PRKD2: variants seen among roughly 807,000 people sequenced by gnomAD.
PRKD2 encodes serine/threonine-protein kinase D2.
PRKD2 carries 22 observed loss-of-function variants against 86.0 expected under a neutral mutation model. The ratio of observed to expected loss-of-function variants is 0.26; its 90% CI spans 0.18 to 0.37. The LOEUF is 0.37. PRKD2 is among the 10% of genes least tolerant of loss of function. PRKD2 has a pLI of 1.00. For missense variants in PRKD2, 818 were observed against 1,199.2 expected, an observed-to-expected ratio of 0.68 and a Z score of 4.70; for synonymous variants, 509 against 510.9, an observed-to-expected ratio of 1.00 and a Z score of 0.05.
At chr19:46,688,529 T>C (rs959136346) in intron 14 of PRKD2, among the ~76,000 whole-genome samples, 52 of 151,562 alleles carry the variant, frequency 3.4e-4, no homozygotes, top group African/African-American at 1.2e-3. Flanking sequence ...CTCTGCCTCC[T>C]GGGCTCAAGG....
intron 15 of PRKD2, 67 bp downstream of exon 15, chr19:46,681,583 T>TAC: frequency 6.0e-6 from 4 of 671,500 alleles, no homozygotes; most frequent in Non-Finnish European, 1.0e-5. Context: ...ATAATCCCCT[T>TAC]CCCCACCCCC....
At chr19:46,688,448 T>TATTATTATTA (rs60631103) in intron 14 of PRKD2, among the ~76,000 whole-genome samples, 217 of 150,714 alleles carry the variant, frequency 1.4e-3, no homozygotes, top group African/African-American at 5.0e-3. Flanking sequence ...TATTATTTTT[T>TATTATTATTA]TTTTTGAGAC....
Position 46,697,141 on chromosome 19 carries a change from A to G in PRKD2, c.1317+16T>C. On this transcript the variant is annotated intron_variant, in intron 9 of 17. Coordinates refer to ENST00000291281, the MANE Select transcript of PRKD2 (RefSeq NM_016457.5). ...ACAGCGGGAAGTCCGAGGGAGCTGA[A>G]AGCCCGGAGGCTTACCTTATAGTAT... 10 of 1,549,296 alleles carry G rather than the reference A, an allele frequency of 6.5e-6. No homozygotes were observed. Among genetic ancestry groups the G allele is most frequent in the Non-Finnish European group, 8.9e-6 (10 of 1,121,190 alleles).
intron 3 of PRKD2, among the ~76,000 whole-genome samples, chr19:46,709,730 G>A (rs1022617123): frequency 1.3e-5 from 2 of 152,232 alleles, no homozygotes; most frequent in East Asian, 3.9e-4. Context: ...AGGTGATCCT[G>A]CTTGTTCTAG....
chr19:46,711,893 C>A (rs1406708877), intron 2 of PRKD2, among the ~76,000 whole-genome samples: 2 of 148,408 alleles, frequency 1.3e-5, no homozygotes, highest in African/African-American at 5.0e-5. Flanking sequence ...CATGATGAAA[C>A]CCCGTCTCTA....
chr19:46,697,285 T>A (rs1366395939), intron 8 of PRKD2, 51 bp from the exon 9 acceptor site: 1 of 1,404,092 alleles, frequency 7.1e-7, no homozygotes, highest in Non-Finnish European at 9.9e-7. Context: ...TCCTGCCCAG[T>A]CCCTATCCCG....
At chr19:46,709,741 G>C in intron 3 of PRKD2, among the ~76,000 whole-genome samples, 1 of 152,176 alleles carries the variant, frequency 6.6e-6, no homozygotes, top group East Asian at 1.9e-4. Context: ...CTTGTTCTAG[G>C]TGGGTCTCAT....
chr19:46,711,502 C>T (rs756993907), intron 2 of PRKD2, among the ~76,000 whole-genome samples: 3 of 152,064 alleles, frequency 2.0e-5, no homozygotes, highest in Non-Finnish European at 4.4e-5. Flanking sequence ...AAGCAGTTCT[C>T]CTGCCTCAGC....
intron 15 of PRKD2, among the ~76,000 whole-genome samples, chr19:46,680,695 T>A (rs1026162171): frequency 6.6e-6 from 1 of 151,492 alleles, no homozygotes; most frequent in Non-Finnish European, 1.5e-5. Flanking sequence ...AAGCAGAATG[T>A]TTCATTGAGT....
chr19:46,689,443 C>A, intron 14 of PRKD2, 94 bp downstream of exon 14: 1 of 1,400,898 alleles, frequency 7.1e-7, no homozygotes, highest in Non-Finnish European at 9.6e-7. Context: ...TTGTGACTCC[C>A]CCAAGTGTCT....
rs369442988 is a variant in PRKD2 at position 46,701,077 on chromosome 19, G to A, written c.925C>T (p.Arg309Cys). 5.0e-6 allele frequency: 8 copies of A among 1,614,208 alleles called. No individual in the cohort carries two copies. The highest frequency in any genetic ancestry group is 4.4e-5 in the South Asian group (4 of 91,084). ...KFNCHKRCAT[R>C]VPNDCLGEAL... The stretch of plus-strand genomic sequence containing the variant: ...TCCCCCAGGCAGTCATTAGGGACGC[G>A]GGTGGCGCAGCGTTTGTGACAGTTA... Residue 309 changes from arginine (R) to cysteine (C), a missense_variant, in exon 6 of 18, where the codon CGC (arginine) becomes TGC (cysteine). By Grantham distance (180) the Arg-to-Cys change is radical (BLOSUM62 -3). This residue lies in a region of PRKD2 where 403 missense variants were observed against 518.6 expected (regional missense o/e 0.78). Transcript: ENST00000291281.
chr19:46,703,519 C>G (rs561360913), intron 5 of PRKD2, among the ~76,000 whole-genome samples: 2 of 151,888 alleles, frequency 1.3e-5, no homozygotes, highest in African/African-American at 2.4e-5. Context: ...CGCCTGTAAT[C>G]CCGGCATTTT....
chr19:46,697,685 T>C (rs536777988), intron 8 of PRKD2, 48 bp downstream of exon 8: 14 of 1,541,942 alleles, frequency 9.1e-6, no homozygotes, highest in African/African-American at 1.4e-5. Context: ...GAGCCGCCCC[T>C]CTTCCAGCCT....
chr19:46,698,534 G>A (rs1236820943), intron 7 of PRKD2, among the ~76,000 whole-genome samples: 1 of 152,208 alleles, frequency 6.6e-6, no homozygotes, highest in African/African-American at 2.4e-5. Flanking sequence ...TCCAGTAAGT[G>A]CTAATTGGTA....
chr19:46,690,593 T>A lies in PRKD2; in HGVS notation c.1809+7A>T, dbSNP rs314671. ...GAAGCAGAAAGGGAAGGCGGCCTGG[T>A]GGTTACCTGCAGAATGGCCACTTCA... On this transcript the variant is annotated splice_region_variant and intron_variant, in intron 13 of 17. Transcript: ENST00000291281. The A allele has an allele frequency of 6.2e-7, 1 of 1,613,708 alleles. No homozygotes were observed. The highest frequency in any genetic ancestry group is 1.3e-5 in the African/African-American group (1 of 75,024).
At chr19:46,685,116 C>G (rs562076767) in intron 14 of PRKD2, among the ~76,000 whole-genome samples, 1 of 148,412 alleles carries the variant, frequency 6.7e-6, no homozygotes, top group Admixed American at 6.8e-5. Context: ...AAAATTAGCC[C>G]GGTGTACTGG....
intron 15 of PRKD2, 106 bp downstream of exon 15, chr19:46,681,544 C>T (rs1424105551): frequency 6.2e-6 from 5 of 806,152 alleles, no homozygotes; most frequent in Non-Finnish European, 9.9e-6. Context: ...GCAAGAGCCA[C>T]TGTGCCTCGC....
At chr19:46,701,133 G>A in intron 5 of PRKD2, 21 bp from the exon 6 acceptor site, 1 of 1,611,768 alleles carries the variant, frequency 6.2e-7, no homozygotes, top group Non-Finnish European at 8.5e-7. Context: ...AGGGAACAAG[G>A]GAACGGGTGA....
chr19:46,678,478 G>A lies in PRKD2; in HGVS notation c.2256C>T (p.Asn752=), dbSNP rs748749845. 8 of 1,614,096 alleles carry A rather than the reference G, an allele frequency of 5.0e-6. No individual in the cohort carries two copies. The highest frequency in any genetic ancestry group is 3.3e-5 in the South Asian group (3 of 91,094). The change falls in exon 16 of 18, where the codon AAC becomes AAT. Residue 752 remains asparagine (N), a synonymous_variant. Transcript: ENST00000291281. The surrounding 1 kb of genome is among the most constrained non-coding windows in gnomAD (Gnocchi z 5.7). ...TCTGGTCATTGATGTCCTCATCCTC[G>A]TTGAAAGGGAAGGTGCCGCTGAGGC... is the stretch of plus-strand genomic sequence containing the variant. ...YVSLSGTFPF[N]EDEDINDQIQ...
Sources: gnomAD v4.1 joint callset for allele counts (sites outside exome capture counted in the v4.1 genomes callset) on GRCh38, gnomAD v4.1.1 for gene constraint, gnomAD v4.1.1 regional missense constraint, Gnocchi (gnomAD v3.1) non-coding constraint, MANE v1.5 for transcripts, NCBI Gene and HGNC (gene_info 2026-07-23, HGNC 2026-07-21) for gene names.